BMPR2: variants seen among roughly 807,000 people sequenced by gnomAD.
The protein encoded by BMPR2 is bone morphogenetic protein receptor type-2.
Under a neutral mutation model 100.8 loss-of-function variants are expected in BMPR2, and 29 were observed. That is an observed-to-expected ratio of 0.29 (90% CI 0.21 to 0.39). The LOEUF (loss-of-function observed/expected upper bound fraction) is 0.39, where lower values mean the gene tolerates loss of function less well. Among genes scored for constraint, BMPR2 ranks in the 10% least tolerant of loss-of-function variants. The pLI is 1.00. For missense variants in BMPR2, 1,011 were observed against 1,274.5 expected, an observed-to-expected ratio of 0.79 and a Z score of 3.15; for synonymous variants, 382 against 442.3, an observed-to-expected ratio of 0.86 and a Z score of 1.71.
At chr2:202,501,254 T>C (rs1218968792) in intron 3 of BMPR2, among the ~76,000 whole-genome samples, 1 of 152,152 alleles carries the variant, frequency 6.6e-6, no homozygotes, top group Admixed American at 6.5e-5. Flanking sequence ...CCCTAAGACA[T>C]TAAAACATTT....
At chr2:202,554,003 G>C (rs114726233) in intron 11 of BMPR2, among the ~76,000 whole-genome samples, 2,278 of 152,226 alleles carry the variant, frequency 0.015, 61 homozygotes, top group African/African-American at 0.053. Context: ...CCTATTTTCT[G>C]TTCTAATTTG....
chr2:202,536,962 A>G (rs550163966), intron 9 of BMPR2, among the ~76,000 whole-genome samples: 3 of 151,998 alleles, frequency 2.0e-5, no homozygotes, highest in Non-Finnish European at 4.4e-5. Context: ...CAGTAGTGCA[A>G]TCATAGCTCA....
At chr2:202,472,594 G>A (rs1011438028) in intron 3 of BMPR2, among the ~76,000 whole-genome samples, 42 of 152,358 alleles carry the variant, frequency 2.8e-4, no homozygotes, top group African/African-American at 9.9e-4. Flanking sequence ...AGGAAGCAGA[G>A]ATTGCAGTGA....
rs1468977909 is a variant in BMPR2, at chr2:202,377,442, T to C, written c.-33T>C. On this transcript the variant is annotated 5_prime_UTR_variant, in exon 1 of 13. Coordinates refer to ENST00000374580, the MANE Select transcript of BMPR2 (RefSeq NM_001204.7). ...GCCGGTCTACTTCCCATATTTCTTT[T>C]CTTTGCCCTCCTGATTCTTGGCTGG... 1 of 1,611,666 alleles carries C rather than the reference T, an allele frequency of 6.2e-7. No individual in the cohort carries two copies. Among genetic ancestry groups the C allele is most frequent in the Non-Finnish European group, 8.5e-7 (1 of 1,177,714 alleles).
rs147792289 is a variant in BMPR2, at chr2:202,555,602, C to T, written c.1937C>T (p.Ala646Val). The change falls in exon 12 of 13, where the codon GCA (alanine) becomes GTA (valine). Residue 646 changes from alanine to valine, a missense_variant. Ala to Val is a moderately conservative substitution (Grantham distance 64). Transcript: ENST00000374580. ...ACAAATCTGCATACCACAAATGTTG[C>T]ACAGTCAATTGGGCCAACCCCTGTC... is the stretch of plus-strand genomic sequence containing the variant. The part of the protein sequence containing the change: ...DETNLHTTNV[A>V]QSIGPTPVCL... The T allele has an allele frequency of 6.8e-6, 11 of 1,613,978 alleles. No homozygotes were observed. In the African/African-American group the frequency reaches 9.3e-5, roughly 14 times the overall value.
chr2:202,464,617 T>G (rs1692283083), intron 1 of BMPR2, among the ~76,000 whole-genome samples, 192 bp from the exon 2 acceptor site: 1 of 152,206 alleles, frequency 6.6e-6, no homozygotes, highest in Non-Finnish European at 1.5e-5. Flanking sequence ...AATTTCCTTC[T>G]TGTTTGGAGT....
At chr2:202,534,139 C>T (rs533217418) in intron 9 of BMPR2, among the ~76,000 whole-genome samples, 1 of 150,144 alleles carries the variant, frequency 6.7e-6, no homozygotes, top group African/African-American at 2.4e-5. Flanking sequence ...AGACATTAGG[C>T]ATTACACATT....
chr2:202,426,277 T>C (rs1344278110), intron 1 of BMPR2, among the ~76,000 whole-genome samples: 3 of 152,132 alleles, frequency 2.0e-5, no homozygotes, highest in African/African-American at 4.8e-5. Flanking sequence ...TTGGGATTGT[T>C]ATTGCATATA....
chr2:202,517,835 C>T (rs377014730), intron 5 of BMPR2, among the ~76,000 whole-genome samples: 5 of 147,662 alleles, frequency 3.4e-5, no homozygotes, highest in South Asian at 2.1e-4. Context: ...TTTTTTGAGA[C>T]GGAGTCTCAC....
chr2:202,432,685 T>C (rs762343604), intron 1 of BMPR2, among the ~76,000 whole-genome samples: 3 of 150,792 alleles, frequency 2.0e-5, no homozygotes, highest in Non-Finnish European at 2.9e-5. Context: ...ATTATTTTAT[T>C]ATTTTAAAAC....
At chr2:202,528,620 G>A (rs997155645) in intron 7 of BMPR2, among the ~76,000 whole-genome samples, 2 of 152,214 alleles carry the variant, frequency 1.3e-5, no homozygotes, top group East Asian at 1.9e-4. Flanking sequence ...TCTTAAATAT[G>A]CTCAGAACAC....
chr2:202,402,753 G>A (rs551993934), intron 1 of BMPR2, among the ~76,000 whole-genome samples: 2 of 150,676 alleles, frequency 1.3e-5, no homozygotes, highest in Non-Finnish European at 3.0e-5. Context: ...TGCAACCTCC[G>A]CCTCCTGGGT....
chr2:202,465,537 A>G (rs1203657381), intron 2 of BMPR2, among the ~76,000 whole-genome samples: 2 of 152,198 alleles, frequency 1.3e-5, no homozygotes, highest in East Asian at 1.9e-4. Context: ...CAAAGAAAAC[A>G]AAAGTCTACA....
intron 1 of BMPR2, among the ~76,000 whole-genome samples, chr2:202,421,720 C>T (rs1462645503): frequency 2.0e-5 from 3 of 147,554 alleles, no homozygotes; most frequent in African/African-American, 7.6e-5. Flanking sequence ...GCTTCCCTTT[C>T]CCAGTCTCTG....
At chr2:202,542,204 T>C (rs1186202009) in intron 9 of BMPR2, 107 bp from the exon 10 acceptor site, 5 of 1,318,744 alleles carry the variant, frequency 3.8e-6, no homozygotes, top group Non-Finnish European at 5.4e-6. Flanking sequence ...ATAAAAAGAT[T>C]GTGACACAAT....
intron 10 of BMPR2, among the ~76,000 whole-genome samples, chr2:202,545,466 T>G (rs1688359119): frequency 6.6e-6 from 1 of 152,070 alleles, no homozygotes; most frequent in Non-Finnish European, 1.5e-5. Flanking sequence ...ACAAATTAAT[T>G]TTCTTGACTA....
chr2:202,551,329 AC>A (rs1200947711), intron 10 of BMPR2, among the ~76,000 whole-genome samples: 1 of 150,960 alleles, frequency 6.6e-6, no homozygotes, highest in African/African-American at 2.4e-5. Flanking sequence ...AGCCTGGCTA[AC>A]ATAGTGAAAC....
chr2:202,434,952 C>T lies in BMPR2; in HGVS notation c.77-29857C>T, dbSNP rs1361627776. Among the ~76,000 whole-genome samples the T allele has an allele frequency of 2.0e-4, 22 of 112,314 alleles. 1 individual carries two copies. The highest frequency in any genetic ancestry group is 7.6e-4 in the African/African-American group (20 of 26,458). The allele number at this position is 112,314 out of a possible 152,430, so 73.7% of individuals were successfully genotyped here. A position where few individuals can be genotyped will look rare whatever the true frequency, so the allele number is the denominator to read the frequency against. On this transcript the variant is annotated intron_variant, in intron 1 of 12. Transcript: ENST00000374580. The stretch of plus-strand genomic sequence containing the variant: ...ATATATATATTTATTTATTTATTTA[C>T]GTCTATAATCCCAGCAATTTGGGAG...
At chr2:202,404,157 C>A (rs1690831539) in intron 1 of BMPR2, among the ~76,000 whole-genome samples, 2 of 149,746 alleles carry the variant, frequency 1.3e-5, no homozygotes, top group South Asian at 2.1e-4. Context: ...GACTTATTGT[C>A]ATTTTAGAGC....
Sources: allele counts gnomAD v4.1 joint callset (sites outside exome capture counted in the v4.1 genomes callset), GRCh38; gene constraint gnomAD v4.1.1; transcripts MANE v1.5; gene names NCBI Gene and HGNC (gene_info 2026-07-23, HGNC 2026-07-21).